The following TNRC6B variants were observed in gnomAD, a reference collection of about 807,000 sequenced individuals.
TNRC6B encodes the protein trinucleotide repeat containing adaptor 6B.
In TNRC6B, 52 loss-of-function variants were observed where a neutral mutation model predicts 203.6. That is an observed-to-expected ratio of 0.26 (90% CI 0.20 to 0.32). The LOEUF is 0.32. Among genes scored for constraint, TNRC6B ranks in the 10% least tolerant of loss-of-function variants. TNRC6B has a pLI of 1.00. For synonymous variants in TNRC6B, 838 were observed against 845.7 expected (o/e 0.99, Z 0.16); for missense variants, 1,923 against 2,286.2 (o/e 0.84, Z 3.24).
chr22:40,302,138 C>G (rs2071031818), intron 15 of TNRC6B, among the ~76,000 whole-genome samples: 1 of 152,158 alleles, frequency 6.6e-6, no homozygotes, highest in South Asian at 2.1e-4. Context: ...CTTTAACATT[C>G]TTCAAGAATT....
chr22:40,050,315 C>T (rs1341816342), intron 1 of TNRC6B, among the ~76,000 whole-genome samples: 3 of 152,164 alleles, frequency 2.0e-5, no homozygotes, highest in Admixed American at 2.0e-4. Flanking sequence ...ACTTTTTATC[C>T]TATGAGGCTC....
chr22:40,281,138 A>G lies in TNRC6B; in HGVS notation c.3431A>G (p.Asn1144Ser), dbSNP rs2070716808. 5 of 1,550,146 alleles carry G rather than the reference A, an allele frequency of 3.2e-6. No individual in the cohort carries two copies. The highest frequency in any genetic ancestry group is 4.4e-6 in the Non-Finnish European group (5 of 1,146,338). Reference sequence around the variant, plus strand: ...TTTCAGCTGACTTTGCCTTTCTCCAATCAAGATGGGTGCCTTGGGGATGAG... The same window carrying G: ...TTTCAGCTGACTTTGCCTTTCTCCAGTCAAGATGGGTGCCTTGGGGATGAG... ...YFEKLTLPFS[N>S]QDGCLGDEAP... The change falls in exon 11 of 23, where the codon AAT (asparagine) becomes AGT (serine). Residue 1144 changes from asparagine to serine, a missense_variant. Coordinates refer to ENST00000454349, the MANE Select transcript of TNRC6B (RefSeq NM_001162501.2).
At position 40,335,220 on chromosome 22, in the gene TNRC6B, T is replaced by C. The variant is rs1261405334; in HGVS notation, c.*11979T>C. Reference sequence around the variant, plus strand: ...AGAGGTTTAATCAAACTCCCATATGTTGAAATTGCTCCTCATATTACTGGT... The same window carrying C: ...AGAGGTTTAATCAAACTCCCATATGCTGAAATTGCTCCTCATATTACTGGT... On this transcript the variant is annotated 3_prime_UTR_variant, in exon 23 of 23. Transcript: ENST00000454349. 6.7e-6 allele frequency: 1 copy of C among 148,694 alleles called. No individual in the cohort carries two copies. The highest frequency in any genetic ancestry group is 1.5e-5 in the Non-Finnish European group (1 of 67,254). 9.2% of individuals were successfully genotyped at this position (148,694 alleles called of 1,614,324 possible).
At chr22:40,197,378 G>C (rs949104547) in intron 1 of TNRC6B, among the ~76,000 whole-genome samples, 1 of 151,780 alleles carries the variant, frequency 6.6e-6, no homozygotes, top group African/African-American at 2.4e-5. Flanking sequence ...TCCACCTCCC[G>C]GGTTCAAGCG....
intron 1 of TNRC6B, among the ~76,000 whole-genome samples, chr22:40,063,398 C>A (rs1429236411): frequency 1.3e-5 from 2 of 152,192 alleles, no homozygotes; most frequent in Non-Finnish European, 2.9e-5. Context: ...TTTGGCCCTT[C>A]TGGATCCCTT....
intron 1 of TNRC6B, among the ~76,000 whole-genome samples, chr22:40,050,360 C>A (rs2146262258): frequency 6.6e-6 from 1 of 152,306 alleles, no homozygotes; most frequent in East Asian, 1.9e-4. Context: ...TCTCTCACTT[C>A]TTTTACACCC....
Position 40,178,071 on chromosome 22 carries a change from C to CT in TNRC6B, c.-59dup. On this transcript the variant is annotated 5_prime_UTR_variant, in exon 1 of 23. Transcript: ENST00000454349. ...GACAAAAAGAATTCATTTTTTGGACCTTTTTTCATTTCCATTTCTACCTTG... is the reference window on the plus strand; with the variant it reads ...GACAAAAAGAATTCATTTTTTGGACCTTTTTTTCATTTCCATTTCTACCTTG... The CT allele has an allele frequency of 6.3e-7, 1 of 1,593,950 alleles. No homozygotes were observed. The highest frequency in any genetic ancestry group is 8.5e-7 in the Non-Finnish European group (1 of 1,173,066).
chr22:40,252,924 C>T (rs1005598254), intron 3 of TNRC6B, among the ~76,000 whole-genome samples: 4 of 151,950 alleles, frequency 2.6e-5, no homozygotes, highest in African/African-American at 9.7e-5. Flanking sequence ...GCATTTTTTC[C>T]TGGATAGTCT....
chr22:40,060,855 GAGTT>G (rs1268402335), intron 1 of TNRC6B, among the ~76,000 whole-genome samples: 1 of 152,126 alleles, frequency 6.6e-6, no homozygotes, highest in East Asian at 1.9e-4. Flanking sequence ...TTTTTATCAG[GAGTT>G]AGTTTGGTAC....
intron 3 of TNRC6B, among the ~76,000 whole-genome samples, chr22:40,153,814 A>G (rs2068783941): frequency 6.6e-6 from 1 of 151,382 alleles, no homozygotes; most frequent in Admixed American, 6.6e-5. Flanking sequence ...CGGTAGTATT[A>G]ATGTTATTTG....
intron 1 of TNRC6B, among the ~76,000 whole-genome samples, chr22:40,093,927 G>T (rs1601811291): frequency 6.6e-6 from 1 of 150,852 alleles, no homozygotes; most frequent in East Asian, 1.9e-4. Flanking sequence ...ATAATCTATT[G>T]TATATTTCAA....
chr22:40,094,709 T>C (rs1395433389), intron 1 of TNRC6B, among the ~76,000 whole-genome samples: 1 of 152,244 alleles, frequency 6.6e-6, no homozygotes, highest in African/African-American at 2.4e-5. Context: ...TAGCATTTCA[T>C]TGGTAAGCAC....
intron 1 of TNRC6B, chr22:40,045,029 T>A (rs1025468070): frequency 6.9e-6 from 1 of 145,496 alleles, no homozygotes; most frequent in African/African-American, 2.5e-5. Flanking sequence ...GCGCCGTCCT[T>A]CCCCTCCCCC....
At chr22:40,286,273 G>GT (rs2070779800) in intron 12 of TNRC6B, among the ~76,000 whole-genome samples, 1 of 152,190 alleles carries the variant, frequency 6.6e-6, no homozygotes, top group African/African-American at 2.4e-5. Flanking sequence ...GAGTCCCGGA[G>GT]TTTGAGACCA....
At chr22:40,079,220 A>G (rs868018230) in intron 1 of TNRC6B, among the ~76,000 whole-genome samples, 3 of 151,952 alleles carry the variant, frequency 2.0e-5, no homozygotes, top group Admixed American at 6.6e-5. Context: ...GGCAATATCT[A>G]CTTTGCAAAT....
At chr22:40,207,889 G>C (rs890930643) in intron 1 of TNRC6B, among the ~76,000 whole-genome samples, 1 of 152,080 alleles carries the variant, frequency 6.6e-6, no homozygotes, top group Non-Finnish European at 1.5e-5. Context: ...GAGGTGGGCA[G>C]ATCACGAGGT....
chr22:40,294,114 A>T (rs1159925221), intron 12 of TNRC6B, among the ~76,000 whole-genome samples: 3 of 150,892 alleles, frequency 2.0e-5, no homozygotes, highest in Non-Finnish European at 4.4e-5. Context: ...TTAGCCAGGC[A>T]TGGTGGTGCA....
chr22:40,151,816 C>A (rs1339602490), intron 3 of TNRC6B, among the ~76,000 whole-genome samples: 2 of 150,760 alleles, frequency 1.3e-5, no homozygotes, highest in Non-Finnish European at 3.0e-5. Flanking sequence ...GAAAATCAAT[C>A]TCAGAGATTC....
At chr22:40,281,014 C>A in intron 10 of TNRC6B, 105 bp from the exon 11 acceptor site, 1 of 1,001,534 alleles carries the variant, frequency 1.0e-6, no homozygotes, top group Non-Finnish European at 1.4e-6. Flanking sequence ...TGCTAATACA[C>A]TCTAACTTTG....
Sources: gnomAD v4.1 joint callset for allele counts (sites outside exome capture counted in the v4.1 genomes callset) on GRCh38, gnomAD v4.1.1 for gene constraint, MANE v1.5 for transcripts, NCBI Gene and HGNC (gene_info 2026-07-23, HGNC 2026-07-21) for gene names.